The following CA10 variants were observed in gnomAD, a reference collection of about 807,000 sequenced individuals.
CA10 encodes the protein carbonic anhydrase-related protein 10.
Under a neutral mutation model 44.2 loss-of-function variants are expected in CA10, and 14 were observed. That is an observed-to-expected ratio of 0.32 (90% CI 0.21 to 0.50). The LOEUF (loss-of-function observed/expected upper bound fraction) is 0.50, where lower values mean the gene tolerates loss of function less well. CA10 is among the 20% of genes least tolerant of loss of function. CA10 has a pLI of 0.99. For missense variants in CA10, 350 were observed against 409.7 expected (o/e 0.85, Z 1.26); for synonymous variants, 159 against 141.6 (o/e 1.12, Z -0.87).
intron 2 of CA10, among the ~76,000 whole-genome samples, chr17:52,032,647 G>T (rs1015989904): frequency 6.6e-6 from 1 of 152,154 alleles, no homozygotes; most frequent in African/African-American, 2.4e-5. Flanking sequence ...CCCATGAAAA[G>T]AGAATAAAAT....
chr17:52,054,818 C>A (rs539622009), intron 2 of CA10, among the ~76,000 whole-genome samples: 33 of 152,010 alleles, frequency 2.2e-4, no homozygotes, highest in African/African-American at 7.7e-4. Context: ...CATTAAAGAC[C>A]CATGTGTTGC....
intron 2 of CA10, among the ~76,000 whole-genome samples, chr17:51,952,320 A>G (rs983773321): frequency 2.0e-5 from 3 of 152,154 alleles, no homozygotes; most frequent in African/African-American, 7.2e-5. Context: ...TTGAATAATT[A>G]TATTTGCAAC....
chr17:51,711,823 G>A (rs567825936), intron 4 of CA10, among the ~76,000 whole-genome samples: 92 of 152,314 alleles, frequency 6.0e-4, no homozygotes, highest in Non-Finnish European at 1.0e-3. Context: ...GTCATGGGCC[G>A]TGGGCTTCTG....
chr17:52,116,835 C>T (rs1480071853), intron 1 of CA10, among the ~76,000 whole-genome samples: 1 of 152,142 alleles, frequency 6.6e-6, no homozygotes, highest in Non-Finnish European at 1.5e-5. Flanking sequence ...ATAAGAATCA[C>T]TGTTTATATT....
rs539728231 is a variant in CA10, at chr17:51,962,397, C to T, written c.137-31265G>A. ...TGGGGGACCTGTACATGGGCCTGCC[C>T]GGTCTGACCTCACCCATCTGGGTCC... On this transcript the variant is annotated intron_variant, in intron 2 of 8. Coordinates refer to ENST00000451037, the MANE Select transcript of CA10 (RefSeq NM_020178.5). 9.8e-5 allele frequency among the ~76,000 whole-genome samples: 15 copies of T among 152,332 alleles called. No individual in the cohort carries two copies. The East Asian group carries it at 1.5e-3, about 16-fold the overall frequency.
chr17:51,871,726 T>C (rs564003504), intron 3 of CA10, among the ~76,000 whole-genome samples: 2 of 151,960 alleles, frequency 1.3e-5, no homozygotes, highest in South Asian at 2.1e-4. Context: ...TGTACTTTAA[T>C]ACCAGTTGCT....
chr17:52,117,492 T>C (rs1213587176), intron 1 of CA10, among the ~76,000 whole-genome samples: 1 of 152,160 alleles, frequency 6.6e-6, no homozygotes, highest in African/African-American at 2.4e-5. Flanking sequence ...AGAATTGAGA[T>C]TGACAAATGA....
At chr17:52,140,411 T>C (rs138878387) in intron 1 of CA10, among the ~76,000 whole-genome samples, 6 of 152,316 alleles carry the variant, frequency 3.9e-5, no homozygotes, top group Middle Eastern at 3.4e-3. Context: ...CGAAAATAGA[T>C]ACTAGACAGT....
intron 2 of CA10, among the ~76,000 whole-genome samples, chr17:52,044,393 T>C (rs926424919): frequency 6.6e-6 from 1 of 152,100 alleles, no homozygotes; most frequent in Non-Finnish European, 1.5e-5. Flanking sequence ...AGCTTCAACC[T>C]CCTGGGCTCA....
At chr17:52,128,154 C>A (rs1391282681) in intron 1 of CA10, among the ~76,000 whole-genome samples, 2 of 152,302 alleles carry the variant, frequency 1.3e-5, no homozygotes, top group Admixed American at 1.3e-4. Flanking sequence ...CTACTGCAAG[C>A]AATCATTCCC....
chr17:52,144,447 A>G (rs1989542085), intron 1 of CA10, among the ~76,000 whole-genome samples: 1 of 152,180 alleles, frequency 6.6e-6, no homozygotes, highest in African/African-American at 2.4e-5. Flanking sequence ...CCTACATTAG[A>G]GGTTTTGATA....
At chr17:51,995,125 T>A (rs1985186725) in intron 2 of CA10, among the ~76,000 whole-genome samples, 1 of 152,016 alleles carries the variant, frequency 6.6e-6, no homozygotes, top group Non-Finnish European at 1.5e-5. Flanking sequence ...AGAATAAAAC[T>A]GATAAAATAT....
intron 3 of CA10, among the ~76,000 whole-genome samples, chr17:51,861,578 C>A (rs1979313103): frequency 6.7e-6 from 1 of 149,346 alleles, no homozygotes; most frequent in Non-Finnish European, 1.5e-5. Context: ...TTTGGGTCAA[C>A]TTTCTATATA....
At chr17:51,824,411 C>T (rs9902186) in intron 3 of CA10, among the ~76,000 whole-genome samples, 9,013 of 152,108 alleles carry the variant, frequency 0.059, 754 homozygotes, top group African/African-American at 0.19. Flanking sequence ...TCAAAAGGCA[C>T]CAACATTCAA....
intron 4 of CA10, among the ~76,000 whole-genome samples, chr17:51,730,936 G>A (rs936844029): frequency 6.6e-6 from 1 of 151,338 alleles, no homozygotes; most frequent in African/African-American, 2.4e-5. Flanking sequence ...GGTTGTTTTA[G>A]TACCTTGGAA....
intron 5 of CA10, among the ~76,000 whole-genome samples, chr17:51,651,144 G>C (rs1015497735): frequency 6.6e-6 from 1 of 152,146 alleles, no homozygotes; most frequent in Admixed American, 6.5e-5. Context: ...CCAGGATGTG[G>C]GGCTTGTCAT....
intron 2 of CA10, among the ~76,000 whole-genome samples, chr17:51,968,060 C>T (rs1186553566): frequency 5.9e-5 from 9 of 151,718 alleles, no homozygotes. Flanking sequence ...TCAGAGACAT[C>T]CCAAGTGTGG....
chr17:51,775,310 G>T (rs1412116426), intron 3 of CA10, among the ~76,000 whole-genome samples: 1 of 152,148 alleles, frequency 6.6e-6, no homozygotes, highest in East Asian at 1.9e-4. Context: ...TTAATTTGGG[G>T]TGATGGTGTG....
intron 2 of CA10, among the ~76,000 whole-genome samples, chr17:51,968,266 AGCATTCTT>A (rs1984154484): frequency 2.6e-5 from 4 of 151,942 alleles, no homozygotes; most frequent in Non-Finnish European, 4.4e-5. Flanking sequence ...TATTTATAGC[AGCATTCTT>A]CATTATCACC....
Sources: allele counts gnomAD v4.1 joint callset (sites outside exome capture counted in the v4.1 genomes callset), GRCh38; gene constraint gnomAD v4.1.1; transcripts MANE v1.5; gene names NCBI Gene and HGNC (gene_info 2026-07-23, HGNC 2026-07-21).